Variants in SEC23B observed in about 807,000 individuals in gnomAD.
SEC23B encodes the protein SEC23 homolog B, COPII component.
Under a neutral mutation model 104.3 loss-of-function variants are expected in SEC23B, and 77 were observed. That is an observed-to-expected ratio of 0.74 (90% CI 0.61 to 0.89). The LOEUF (loss-of-function observed/expected upper bound fraction) is 0.89, where lower values mean the gene tolerates loss of function less well. SEC23B is among the 40% of genes least tolerant of loss of function. SEC23B has a pLI of 0.00. For synonymous variants in SEC23B, 338 were observed against 332.5 expected (o/e 1.02, Z -0.18); for missense variants, 885 against 949.4 (o/e 0.93, Z 0.89).
At chr20:18,551,067 C>T (rs776762875) in intron 16 of SEC23B, 22 bp from the exon 17 acceptor site, 4 of 1,540,806 alleles carry the variant, frequency 2.6e-6, no homozygotes, top group Non-Finnish European at 3.6e-6. Context: ...CCAATGCCAT[C>T]TTTCTCTCTC....
rs191842203 is a variant in SEC23B at position 18,556,471 on chromosome 20, T to G, written c.2214+1298T>G. 9.0e-4 allele frequency among the ~76,000 whole-genome samples: 137 copies of G among 152,336 alleles called. 1 individual carries two copies. Among genetic ancestry groups the G allele is most frequent in the Non-Finnish European group, 1.6e-3 (111 of 68,038 alleles). On this transcript the variant is annotated intron_variant, in intron 19 of 19. Coordinates refer to ENST00000650089, the MANE Select transcript of SEC23B (RefSeq NM_006363.6). ...TATTCTGTGACCTTCCTGAGTCGCT[T>G]ACTACTCTTAGGAGTTTTTTTGTAA...
intron 19 of SEC23B, among the ~76,000 whole-genome samples, chr20:18,558,527 T>C (rs1157920039): frequency 6.6e-6 from 1 of 152,216 alleles, no homozygotes; most frequent in Non-Finnish European, 1.5e-5. Context: ...TCTTTCTTTC[T>C]TGACATCCAG....
intron 4 of SEC23B, among the ~76,000 whole-genome samples, chr20:18,521,390 G>C (rs557199375): frequency 2.0e-5 from 3 of 152,130 alleles, no homozygotes; most frequent in Non-Finnish European, 4.4e-5. Flanking sequence ...ACAGTAAAGC[G>C]TCTAAGGGTT....
intron 16 of SEC23B, among the ~76,000 whole-genome samples, chr20:18,549,461 A>T (rs1173638552): frequency 1.3e-5 from 2 of 152,172 alleles, no homozygotes; most frequent in Non-Finnish European, 1.5e-5. Flanking sequence ...TATTTTTTTC[A>T]AATATTTTCA....
intron 15 of SEC23B, among the ~76,000 whole-genome samples, chr20:18,547,237 C>T (rs746669919): frequency 5.3e-5 from 8 of 152,136 alleles, no homozygotes; most frequent in Non-Finnish European, 1.0e-4. Context: ...TGACCTTGGA[C>T]AAGTTGCTCG....
intron 9 of SEC23B, among the ~76,000 whole-genome samples, chr20:18,530,249 T>A (rs986814830): frequency 2.6e-5 from 4 of 151,938 alleles, no homozygotes; most frequent in Non-Finnish European, 5.9e-5. Flanking sequence ...ATTTACTTAT[T>A]TATTAATTTT....
At chr20:18,520,784 C>T (rs1322445445) in intron 4 of SEC23B, among the ~76,000 whole-genome samples, 4 of 151,896 alleles carry the variant, frequency 2.6e-5, no homozygotes, top group Admixed American at 1.3e-4. Context: ...GACTTACTCT[C>T]CACTGTAAGA....
In SEC23B at chr20:18,542,345, C is replaced by T. The variant is rs373944854; in HGVS notation, c.1454C>T (p.Thr485Met). The change falls in exon 13 of 20, where the codon ACG (threonine) becomes ATG (methionine). Residue 485 changes from threonine (T) to methionine (M), a missense_variant. By Grantham distance (81) the Thr-to-Met change is moderately conservative. Coordinates refer to ENST00000650089, the MANE Select transcript of SEC23B (RefSeq NM_006363.6). Reference sequence around the variant, plus strand: ...GGCAGAGGAGCCATCCAGTTTGTCACGCATTATCAGCACTCCAGCACCCAG... The same window carrying T: ...GGCAGAGGAGCCATCCAGTTTGTCATGCATTATCAGCACTCCAGCACCCAG... ...QGGRGAIQFV[T>M]HYQHSSTQRR... is the part of the protein sequence containing the mutation. 17 of 1,614,096 alleles carry T rather than the reference C, an allele frequency of 1.1e-5. No individual in the cohort carries two copies. The highest frequency in any genetic ancestry group is 4.0e-5 in the African/African-American group (3 of 74,928).
At chr20:18,516,015 T>G in intron 4 of SEC23B, 1 of 413,906 alleles carries the variant, frequency 2.4e-6, no homozygotes, top group Non-Finnish European at 4.5e-6. Flanking sequence ...GTTGTTTAGC[T>G]TCAGAACCTT....
rs1334546233 is a variant in SEC23B, at chr20:18,543,051, T to C, written c.1544T>C (p.Ile515Thr). ...GATGTACAGAGTCAGCTCAGGCACA[T>C]AGAAGCAGCATTTGACCAGGAGGCT... ...WADVQSQLRH[I>T]EAAFDQEAAA... Residue 515 changes from isoleucine to threonine, a missense_variant, in exon 14 of 20, where the codon ATA (isoleucine) becomes ACA (threonine). Ile to Thr is a moderately conservative substitution (Grantham distance 89). Coordinates refer to ENST00000650089, the MANE Select transcript of SEC23B (RefSeq NM_006363.6). 3 of 1,614,142 alleles carry C rather than the reference T, an allele frequency of 1.9e-6. No homozygotes were observed. The highest frequency in any genetic ancestry group is 4.5e-5 in the East Asian group (2 of 44,876).
At chr20:18,531,265 C>T (rs542383110) in intron 10 of SEC23B, among the ~76,000 whole-genome samples, 18 of 152,298 alleles carry the variant, frequency 1.2e-4, no homozygotes, top group East Asian at 1.2e-3. Context: ...GGCAGCCACA[C>T]GGTGGTCTGC....
intron 4 of SEC23B, among the ~76,000 whole-genome samples, chr20:18,523,074 AAAG>A (rs2060098794): frequency 1.3e-5 from 1 of 76,090 alleles, no homozygotes; most frequent in African/African-American, 3.4e-5. Context: ...CTCAAAAAAA[AAAG>A]AAAAAAAAAT....
intron 11 of SEC23B, among the ~76,000 whole-genome samples, chr20:18,534,530 GT>G: frequency 6.6e-6 from 1 of 152,326 alleles, no homozygotes; most frequent in Non-Finnish European, 1.5e-5. Context: ...CATGTGCTGA[GT>G]TAGATCGCTT....
intron 3 of SEC23B, among the ~76,000 whole-genome samples, chr20:18,512,895 C>T (rs967129133): frequency 1.3e-5 from 2 of 152,004 alleles, no homozygotes; most frequent in Non-Finnish European, 2.9e-5. Flanking sequence ...ACTAAAAATA[C>T]AAAAATTAGG....
chr20:18,532,743 A>G lies in SEC23B; in HGVS notation c.1313A>G (p.Asn438Ser). The G allele has an allele frequency of 6.2e-7, 1 of 1,611,262 alleles. No homozygotes were observed. Among genetic ancestry groups the G allele is most frequent in the South Asian group, 1.1e-5 (1 of 91,044 alleles). ...LNVKGPCVSE[N>S]ELGVGGTSQW... ...GTGAAAGGACCGTGTGTGTCAGAAA[A>G]TGTAAGGAAAACAACTCCATCACCC... Residue 438 changes from asparagine to serine, a missense_variant and splice_region_variant, in exon 11 of 20, where the codon AAT (asparagine) becomes AGT (serine). Transcript: ENST00000650089.
intron 4 of SEC23B, among the ~76,000 whole-genome samples, chr20:18,523,609 G>T (rs2060106646): frequency 6.6e-6 from 1 of 151,380 alleles, no homozygotes; most frequent in Admixed American, 6.6e-5. Context: ...CACCATGTTG[G>T]CCAGGGTGGT....
rs2060335271 is a variant in SEC23B at position 18,546,618 on chromosome 20, A to G, written c.1743+585A>G. 2.0e-5 allele frequency among the ~76,000 whole-genome samples: 3 copies of G among 152,226 alleles called. No individual in the cohort carries two copies. The South Asian group carries it at 6.2e-4, about 32-fold the overall frequency. On this transcript the variant is annotated intron_variant, in intron 15 of 19. Transcript: ENST00000650089. ...ATTCATGGGTGTCTATAAGGATTAC[A>G]GGAGCTGAGGCCAACTGAGTATTAA...
At chr20:18,520,499 C>A (rs903295092) in intron 4 of SEC23B, among the ~76,000 whole-genome samples, 1 of 151,768 alleles carries the variant, frequency 6.6e-6, no homozygotes, top group Non-Finnish European at 1.5e-5. Context: ...GGGAAAAGAG[C>A]GGGAGTGAGG....
rs1036957228 is a variant in SEC23B at position 18,546,695 on chromosome 20, C to T, written c.1743+662C>T. On this transcript the variant is annotated intron_variant, in intron 15 of 19. Coordinates refer to ENST00000650089, the MANE Select transcript of SEC23B (RefSeq NM_006363.6). ...TTCAGCACTAAATGTGACCTAGCTC[C>T]ATAGCAGGTGCCTGGGACTCTGAGG... is the stretch of plus-strand genomic sequence containing the variant. Among the ~76,000 whole-genome samples, 15 of 152,154 alleles carry T rather than the reference C, an allele frequency of 9.9e-5. 1 individual carries two copies. The highest frequency in any genetic ancestry group is 5.9e-4 in the Admixed American group (9 of 15,282).
Sources: allele counts gnomAD v4.1 joint callset (sites outside exome capture counted in the v4.1 genomes callset), GRCh38; gene constraint gnomAD v4.1.1; transcripts MANE v1.5; gene names NCBI Gene and HGNC (gene_info 2026-07-23, HGNC 2026-07-21).